Variants in DTWD2 observed in about 807,000 individuals in gnomAD.
DTWD2 encodes tRNA-uridine aminocarboxypropyltransferase 2.
Under a neutral mutation model 31.8 loss-of-function variants are expected in DTWD2, and 39 were observed. The observed-to-expected ratio is 1.22, with a 90% confidence interval of 0.95 to 1.60. The LOEUF is 1.60. Ranked by LOEUF, DTWD2 falls within the 40% of genes most tolerant of loss-of-function variation. The pLI is 0.00. For missense variants in DTWD2, 515 were observed against 381.5 expected (o/e 1.35, Z -2.92); for synonymous variants, 180 against 142.8 (o/e 1.26, Z -1.86).
intron 4 of DTWD2, among the ~76,000 whole-genome samples, chr5:118,924,946 G>A (rs1475757106): frequency 6.6e-6 from 1 of 152,150 alleles, no homozygotes; most frequent in Non-Finnish European, 1.5e-5. Flanking sequence ...GTAAATACAT[G>A]TAAAACATTT....
At chr5:118,874,478 T>C (rs1403490362) in intron 4 of DTWD2, among the ~76,000 whole-genome samples, 1 of 152,064 alleles carries the variant, frequency 6.6e-6, no homozygotes, top group Non-Finnish European at 1.5e-5. Context: ...ACAATGCAGG[T>C]GCTGATAGAC....
chr5:118,868,321 A>T (rs1173699632), intron 4 of DTWD2, among the ~76,000 whole-genome samples: 1 of 152,164 alleles, frequency 6.6e-6, no homozygotes, highest in East Asian at 1.9e-4. Context: ...TTAGAAAAAA[A>T]ATAGGGGGAA....
chr5:118,988,154 G>C (rs2149607305), intron 1 of DTWD2, 140 bp downstream of exon 1: 1 of 1,063,520 alleles, frequency 9.4e-7, no homozygotes, highest in African/African-American at 1.6e-5. Context: ...TGGCATTTCC[G>C]AGATTTCCAA....
chr5:118,895,371 A>C (rs1053315846), intron 4 of DTWD2, among the ~76,000 whole-genome samples: 13 of 152,202 alleles, frequency 8.5e-5, no homozygotes, highest in African/African-American at 2.2e-4. Flanking sequence ...GACATACAAA[A>C]AAATGGAAAG....
intron 4 of DTWD2, 49 bp from the exon 5 acceptor site, chr5:118,848,267 T>C (rs778753396): frequency 3.2e-5 from 48 of 1,506,208 alleles, no homozygotes; most frequent in Non-Finnish European, 4.1e-5. Flanking sequence ...AAATTTAAAA[T>C]TATAAAGTTT....
chr5:118,988,437 C>G lies in DTWD2; in HGVS notation c.75G>C (p.Thr25=), dbSNP rs1755487515. The change falls in exon 1 of 6, where the codon ACG becomes ACC. Residue 25 remains threonine (T), a synonymous_variant. Transcript: ENST00000510708. ...ARPSGASSSQ[T]PNDKERREGG... ...CCTCCCGCCGCTCCTTGTCGTTCGG[C>G]GTCTGAGAGCTTGAGGCCCCAGAAG... is the stretch of plus-strand genomic sequence containing the variant. 1 of 1,607,172 alleles carries G rather than the reference C, an allele frequency of 6.2e-7. No individual in the cohort carries two copies. The highest frequency in any genetic ancestry group is 8.5e-7 in the Non-Finnish European group (1 of 1,178,264).
chr5:118,944,173 A>G (rs967091622), intron 2 of DTWD2, among the ~76,000 whole-genome samples: 2 of 152,252 alleles, frequency 1.3e-5, no homozygotes, highest in African/African-American at 4.8e-5. Context: ...TGTAAGAGTA[A>G]AATGCCAAAG....
chr5:118,906,831 G>A (rs1332457313), intron 4 of DTWD2, among the ~76,000 whole-genome samples: 1 of 152,140 alleles, frequency 6.6e-6, no homozygotes, highest in Non-Finnish European at 1.5e-5. Flanking sequence ...CTTTAAACAT[G>A]TGCAGTTTAT....
intron 3 of DTWD2, among the ~76,000 whole-genome samples, chr5:118,932,321 T>C (rs868773622): frequency 2.9e-4 from 38 of 132,484 alleles, no homozygotes; most frequent in Admixed American, 4.4e-4. Context: ...GACAAAAAAA[T>C]TTAAAAAAAA....
At chr5:118,947,232 G>A (rs902286200) in intron 1 of DTWD2, among the ~76,000 whole-genome samples, 1 of 152,076 alleles carries the variant, frequency 6.6e-6, no homozygotes, top group African/African-American at 2.4e-5. Context: ...AGCCCCAGAG[G>A]GCATGTGATA....
At chr5:118,923,550 C>T (rs1004837740) in intron 4 of DTWD2, among the ~76,000 whole-genome samples, 3 of 152,174 alleles carry the variant, frequency 2.0e-5, no homozygotes, top group Admixed American at 6.5e-5. Context: ...CCCACCCTAA[C>T]GGAAGAATCT....
At chr5:118,915,424 G>C (rs538575116) in intron 4 of DTWD2, among the ~76,000 whole-genome samples, 77 of 150,830 alleles carry the variant, frequency 5.1e-4, no homozygotes, top group African/African-American at 1.8e-3. Flanking sequence ...GCCCAGGCTG[G>C]AGTGCAGTGG....
intron 1 of DTWD2, among the ~76,000 whole-genome samples, chr5:118,985,490 T>TTTTATATATATA (rs139994443): frequency 5.2e-5 from 5 of 95,418 alleles, no homozygotes; most frequent in Admixed American, 3.6e-4. Flanking sequence ...ATGTGCATTT[T>TTTTATATATATA]TATATATATA....
At chr5:118,859,865 C>T (rs1752219995) in intron 4 of DTWD2, among the ~76,000 whole-genome samples, 1 of 152,176 alleles carries the variant, frequency 6.6e-6, no homozygotes. Flanking sequence ...CACTTGTAAT[C>T]TCACCACTTT....
At position 118,839,564 on chromosome 5, in the gene DTWD2, A is replaced by G. The variant is rs2112662541; in HGVS notation, c.*1353T>C. 6.6e-6 allele frequency: 1 copy of G among 152,034 alleles called. No individual in the cohort carries two copies. Among genetic ancestry groups the G allele is most frequent in the East Asian group, 1.9e-4 (1 of 5,160 alleles). The allele number at this position is 152,034 out of a possible 1,614,324, so 9.4% of individuals were successfully genotyped here. A position where few individuals can be genotyped will look rare whatever the true frequency, so the allele number is the denominator to read the frequency against. On this transcript the variant is annotated 3_prime_UTR_variant, in exon 6 of 6. Transcript: ENST00000510708. The stretch of plus-strand genomic sequence containing the variant: ...TTGTATGGAGATGGAGTCTCACCAT[A>G]TTGCCCAGGCTGGTCTCAAACTCCT...
At chr5:118,948,154 G>A (rs565431865) in intron 1 of DTWD2, among the ~76,000 whole-genome samples, 2 of 152,222 alleles carry the variant, frequency 1.3e-5, no homozygotes, top group African/African-American at 2.4e-5. Flanking sequence ...GGTGAGTGGC[G>A]ATTAAGCCTG....
intron 4 of DTWD2, among the ~76,000 whole-genome samples, chr5:118,872,814 T>A (rs1224246622): frequency 6.6e-6 from 1 of 152,188 alleles, no homozygotes; most frequent in Non-Finnish European, 1.5e-5. Context: ...GCTACAAATC[T>A]TCAATTTGTA....
chr5:118,928,143 C>T (rs1233800498), intron 4 of DTWD2, among the ~76,000 whole-genome samples: 1 of 151,770 alleles, frequency 6.6e-6, no homozygotes, highest in Non-Finnish European at 1.5e-5. Flanking sequence ...TTAGTCATTC[C>T]TAGTAAGAAC....
rs780885408 is a variant in DTWD2, at chr5:118,848,070, A to G, written c.726+20T>C. The G allele has an allele frequency of 5.3e-6, 8 of 1,517,452 alleles. No homozygotes were observed. In the Admixed American group the frequency reaches 1.9e-4, roughly 36 times the overall value. 94.0% of individuals were successfully genotyped at this position (1,517,452 alleles called of 1,614,324 possible). A position where few individuals can be genotyped will look rare whatever the true frequency, so the allele number is the denominator to read the frequency against. On this transcript the variant is annotated intron_variant, in intron 5 of 5. Coordinates refer to ENST00000510708, the MANE Select transcript of DTWD2 (RefSeq NM_173666.4). ...AAGAAAACTCCCACTTTGAAAAACTATAACCTTACAAAGACGTACCTCTTG... is the reference window on the plus strand; with the variant it reads ...AAGAAAACTCCCACTTTGAAAAACTGTAACCTTACAAAGACGTACCTCTTG...
Sources: gnomAD v4.1 joint callset for allele counts (sites outside exome capture counted in the v4.1 genomes callset) on GRCh38, gnomAD v4.1.1 for gene constraint, MANE v1.5 for transcripts, NCBI Gene and HGNC (gene_info 2026-07-23, HGNC 2026-07-21) for gene names.